The following IKBKB variants were observed in gnomAD, a reference collection of about 807,000 sequenced individuals.
The protein encoded by IKBKB is inhibitor of nuclear factor kappa-B kinase subunit beta.
In IKBKB, 42 loss-of-function variants were observed where a neutral mutation model predicts 113.6. That is an observed-to-expected ratio of 0.37 (90% confidence interval 0.29 to 0.48). The LOEUF is 0.48. Among genes scored for constraint, IKBKB ranks in the 20% least tolerant of loss-of-function variants. The pLI is 0.99. For missense variants in IKBKB, 673 were observed against 939.7 expected (o/e 0.72, Z 3.71); for synonymous variants, 296 against 361.3 (o/e 0.82, Z 2.05).
chr8:42,316,997 A>T lies in IKBKB; in HGVS notation c.1125+93A>T. ...TTTCAGATTTCAATTCTGCTTTGTC[A>T]TGTAGTCTGTTAATCACACAGTGCG... On this transcript the variant is annotated intron_variant, in intron 11 of 21. Coordinates refer to ENST00000520810, the MANE Select transcript of IKBKB (RefSeq NM_001556.3). This position sits in a 1 kb window ranked among gnomAD's most constrained non-coding sequence, Gnocchi z 4.5. 2 of 1,228,020 alleles carry T rather than the reference A, an allele frequency of 1.6e-6. No individual in the cohort carries two copies. Among genetic ancestry groups the T allele is most frequent in the Non-Finnish European group, 2.3e-6 (2 of 856,440 alleles). 76.1% of individuals were successfully genotyped at this position (1,228,020 alleles called of 1,614,324 possible).
rs1359362333 is a variant in IKBKB, at chr8:42,303,170, C to A, written c.389-2017C>A. On this transcript the variant is annotated intron_variant, in intron 5 of 21. Coordinates refer to ENST00000520810, the MANE Select transcript of IKBKB (RefSeq NM_001556.3). ...AATGAGAGAGAGAATGAGAGAGAAA[C>A]AGAGAGAATGAGAATGGTGGTGGCG... 4.9e-4 allele frequency among the ~76,000 whole-genome samples: 71 copies of A among 143,642 alleles called. 1 individual carries two copies. Among genetic ancestry groups the A allele is most frequent in the Admixed American group, 4.9e-3 (70 of 14,330 alleles). 94.2% of individuals were successfully genotyped at this position (143,642 alleles called of 152,430 possible).
At chr8:42,311,353 G>A (rs766486821) in intron 8 of IKBKB, among the ~76,000 whole-genome samples, 8 of 152,048 alleles carry the variant, frequency 5.3e-5, no homozygotes, top group African/African-American at 9.7e-5. Context: ...ACCTGAGGTC[G>A]AGTTTGAGGC....
chr8:42,271,353 T>G lies in IKBKB; in HGVS notation c.-135T>G. The G allele has an allele frequency of 1.4e-6, 2 of 1,401,114 alleles. No individual in the cohort carries two copies. Among genetic ancestry groups the G allele is most frequent in the Non-Finnish European group, 2.0e-6 (2 of 1,024,536 alleles). 86.8% of individuals were successfully genotyped at this position (1,401,114 alleles called of 1,614,324 possible). On this transcript the variant is annotated 5_prime_UTR_variant, in exon 1 of 22. Coordinates refer to ENST00000520810, the MANE Select transcript of IKBKB (RefSeq NM_001556.3). ...GGAAGTCGCGCCGCGCTGCCCGCGT[T>G]AAGATTCCCGCATTTTAATGTTTTC...
At chr8:42,306,693 C>G (rs911323207) in intron 7 of IKBKB, among the ~76,000 whole-genome samples, 1 of 152,224 alleles carries the variant, frequency 6.6e-6, no homozygotes, top group Admixed American at 6.5e-5. Context: ...CTCTGTGCTT[C>G]AGTGTCTTCT....
In IKBKB at chr8:42,320,756, G is replaced by A. The variant is rs201840157; in HGVS notation, c.1600G>A (p.Val534Ile). The part of the protein sequence containing the change: ...CGRENEVKLL[V>I]ERMMALQTDI... The stretch of plus-strand genomic sequence containing the variant: ...TTAGGAGAACGAAGTGAAACTCCTG[G>A]TAGAACGGATGATGGCTCTGCAGAC... The change falls in exon 16 of 22, where the codon GTA (valine) becomes ATA (isoleucine). Residue 534 changes from valine to isoleucine, a missense_variant. Physicochemically the swap from Val to Ile is conservative, Grantham distance 29. Coordinates refer to ENST00000520810, the MANE Select transcript of IKBKB (RefSeq NM_001556.3). 9.9e-6 allele frequency: 16 copies of A among 1,613,124 alleles called. No homozygotes were observed. In the South Asian group the frequency reaches 1.8e-4, roughly 18 times the overall value.
In IKBKB at chr8:42,331,396, A is replaced by G. The variant is rs147482022; in HGVS notation, c.*417A>G. 2.8e-6 allele frequency: 2 copies of G among 702,870 alleles called. No homozygotes were observed. Among genetic ancestry groups the G allele is most frequent in the East Asian group, 2.7e-5 (1 of 37,278 alleles). 43.5% of individuals were successfully genotyped at this position (702,870 alleles called of 1,614,324 possible). A position where few individuals can be genotyped will look rare whatever the true frequency, so the allele number is the denominator to read the frequency against. ...ACGTGACTGGACAGTGTCCAATTCA[A>G]ATCTTTCAGGGCAGAGTCCGAGCAG... On this transcript the variant is annotated 3_prime_UTR_variant, in exon 22 of 22. Coordinates refer to ENST00000520810, the MANE Select transcript of IKBKB (RefSeq NM_001556.3).
Position 42,316,300 on chromosome 8 carries a change from T to C in IKBKB, c.891T>C (p.Asn297=), listed in dbSNP as rs1284855049. 1.9e-6 allele frequency: 3 copies of C among 1,614,044 alleles called. No individual in the cohort carries two copies. The highest frequency in any genetic ancestry group is 8.5e-7 in the Non-Finnish European group (1 of 1,179,974). The change falls in exon 10 of 22, where the codon AAT becomes AAC. Residue 297 remains asparagine, a synonymous_variant. Transcript: ENST00000520810. The surrounding 1 kb of genome is among the most constrained non-coding windows in gnomAD (Gnocchi z 4.5). The stretch of plus-strand genomic sequence containing the variant: ...GCACGGATCCCACGTATGGGCCCAA[T>C]GGCTGCTTCAAGGCCCTGGATGACA... ...QRGTDPTYGP[N]GCFKALDDIL...
rs193009141 is a variant in IKBKB, at chr8:42,278,199, G to C, written c.105+5994G>C. Among the ~76,000 whole-genome samples the C allele has an allele frequency of 2.0e-3, 297 of 152,282 alleles. 3 individuals are homozygous for C. The Middle Eastern group carries it at 0.024, about 12-fold the overall frequency. Reference sequence around the variant, plus strand: ...CAGGCCAAGGGAGAGGCTCCTGAGGGGCCTCTGTGGAGGGCAGGTGTGGCA... The same window carrying C: ...CAGGCCAAGGGAGAGGCTCCTGAGGCGCCTCTGTGGAGGGCAGGTGTGGCA... On this transcript the variant is annotated intron_variant, in intron 2 of 21. Transcript: ENST00000520810.
At chr8:42,272,470 A>G (rs1014941889) in intron 2 of IKBKB, 1 of 584,516 alleles carries the variant, frequency 1.7e-6, no homozygotes, top group African/African-American at 1.9e-5. Flanking sequence ...TGGTAACAGT[A>G]GAATATCATG....
intron 19 of IKBKB, among the ~76,000 whole-genome samples, chr8:42,322,849 C>T (rs538880710): frequency 7.5e-4 from 114 of 152,180 alleles, no homozygotes; most frequent in Middle Eastern, 6.8e-3. Flanking sequence ...CCCAGGAGTT[C>T]AAGACTGCAG....
At chr8:42,317,203 GTGT>G in intron 11 of IKBKB, 1 of 307,196 alleles carries the variant, frequency 3.3e-6, no homozygotes, top group Non-Finnish European at 5.7e-6. Context: ...CCTCTTCCAA[GTGT>G]ACTAAAAAAA....
chr8:42,321,125 T>C (rs944667810), intron 16 of IKBKB: 1 of 299,504 alleles, frequency 3.3e-6, no homozygotes, highest in African/African-American at 2.2e-5. Context: ...GCAAGCAGCC[T>C]CTACCCCTGT....
chr8:42,303,941 T>G (rs1363753764), intron 5 of IKBKB, among the ~76,000 whole-genome samples: 1 of 152,260 alleles, frequency 6.6e-6, no homozygotes, highest in East Asian at 1.9e-4. Context: ...TTATAGTATC[T>G]TTTGCCATAA....
chr8:42,280,826 C>T (rs1247848176), intron 2 of IKBKB, among the ~76,000 whole-genome samples: 3 of 152,092 alleles, frequency 2.0e-5, no homozygotes, highest in African/African-American at 7.2e-5. Context: ...TGAAGCAGCA[C>T]GGACCTGTAC....
At position 42,272,092 on chromosome 8, in the gene IKBKB, G is replaced by C. The variant is rs780533794; in HGVS notation, c.-9G>C. The C allele has an allele frequency of 4.3e-6, 7 of 1,613,248 alleles. No individual in the cohort carries two copies. In the East Asian group the frequency reaches 1.6e-4, roughly 36 times the overall value. ...CCCAAATTGCTTATAGAGTTAGCACGACATCAGTATGAGCTGGTCACCTTC... is the reference window on the plus strand; with the variant it reads ...CCCAAATTGCTTATAGAGTTAGCACCACATCAGTATGAGCTGGTCACCTTC... On this transcript the variant is annotated 5_prime_UTR_variant, in exon 2 of 22. Transcript: ENST00000520810.
chr8:42,318,474 G>T (rs1460539337), intron 12 of IKBKB, 78 bp from the exon 13 acceptor site: 14 of 1,527,016 alleles, frequency 9.2e-6, no homozygotes, highest in Non-Finnish European at 1.3e-5. Context: ...TGCCAGTAGT[G>T]TCGAAGGCAG....
chr8:42,282,846 G>A (rs1017426497), intron 2 of IKBKB, among the ~76,000 whole-genome samples: 3 of 152,098 alleles, frequency 2.0e-5, no homozygotes, highest in Non-Finnish European at 2.9e-5. Context: ...GGAATATTTC[G>A]GAATACTTCC....
chr8:42,314,468 T>C, intron 9 of IKBKB, 39 bp downstream of exon 9: 1 of 1,346,480 alleles, frequency 7.4e-7, no homozygotes, highest in South Asian at 1.2e-5. Context: ...ATATCTTTCT[T>C]GCTTTTTTTA....
chr8:42,308,884 C>T lies in IKBKB; in HGVS notation c.568-17C>T, dbSNP rs985108299. On this transcript the variant is annotated splice_polypyrimidine_tract_variant and intron_variant, in intron 7 of 21. Transcript: ENST00000520810. ...CAGAGAGGAGCAGCTCAGGTGTACC[C>T]CCTCCTGTTGCTGCAGGCCCCAGAG... is the stretch of plus-strand genomic sequence containing the variant. 6.8e-6 allele frequency: 11 copies of T among 1,612,962 alleles called. No homozygotes were observed. The highest frequency in any genetic ancestry group is 9.3e-6 in the Non-Finnish European group (11 of 1,179,326).
Sources: gnomAD v4.1 joint callset for allele counts (sites outside exome capture counted in the v4.1 genomes callset) on GRCh38, gnomAD v4.1.1 for gene constraint, Gnocchi (gnomAD v3.1) non-coding constraint, MANE v1.5 for transcripts, NCBI Gene and HGNC (gene_info 2026-07-23, HGNC 2026-07-21) for gene names.